Variants in LIFR observed in about 807,000 individuals in gnomAD.
The protein encoded by LIFR is leukemia inhibitory factor receptor.
In LIFR, 84 loss-of-function variants were observed where a neutral mutation model predicts 122.2. That is an observed-to-expected ratio of 0.69 (90% CI 0.58 to 0.82). LIFR has a LOEUF of 0.82. Ranked by LOEUF, LIFR falls within the 40% of genes least tolerant of loss-of-function variation. The pLI is 0.00. For synonymous variants in LIFR, 422 were observed against 434.7 expected, an observed-to-expected ratio of 0.97 and a Z score of 0.36; for missense variants, 1,294 against 1,311.6, an observed-to-expected ratio of 0.99 and a Z score of 0.21.
upstream of LIFR, among the ~76,000 whole-genome samples, chr5:38,560,900 TTTTG>T (rs1353641498): frequency 3.9e-5 from 6 of 152,188 alleles, no homozygotes; most frequent in East Asian, 1.9e-4. Flanking sequence ...CCAGCCTGTC[TTTTG>T]TTTATTTATA....
In LIFR at chr5:38,481,866, G is replaced by A; in HGVS notation, c.3023C>T (p.Pro1008Leu). 2 of 1,614,112 alleles carry A rather than the reference G, an allele frequency of 1.2e-6. No individual in the cohort carries two copies. Among genetic ancestry groups the A allele is most frequent in the Non-Finnish European group, 8.5e-7 (1 of 1,180,018 alleles). Residue 1008 changes from proline (P) to leucine (L), a missense_variant, in exon 20 of 20, where the codon CCC (proline) becomes CTC (leucine). Pro to Leu is a moderately conservative substitution (Grantham distance 98). Coordinates refer to ENST00000453190, the MANE Select transcript of LIFR (RefSeq NM_001127671.2). Reference sequence around the variant, plus strand: ...TATATCTTCCACAGTAGAATTAATGGGGAGGTGCATCTGTGGCTTATAGCC... The same window carrying A: ...TATATCTTCCACAGTAGAATTAATGAGGAGGTGCATCTGTGGCTTATAGCC... The part of the protein sequence containing the change: ...GAGYKPQMHL[P>L]INSTVEDIAA...
intron 12 of LIFR, among the ~76,000 whole-genome samples, chr5:38,497,457 C>T (rs1029696828): frequency 5.4e-4 from 82 of 152,370 alleles, no homozygotes; most frequent in African/African-American, 1.9e-3. Context: ...TTTATCTCCA[C>T]ATTTTTCAGG....
Position 38,480,544 on chromosome 5 carries a change from G to A in LIFR, c.*1051C>T, listed in dbSNP as rs189674684. On this transcript the variant is annotated 3_prime_UTR_variant, in exon 20 of 20. Transcript: ENST00000453190. ...AATGTGGCATGATGAAAAGACTCAT[G>A]AGTGGGAGGAACATCCACCAGAAGG... The A allele has an allele frequency of 3.7e-5, 8 of 218,134 alleles. No individual in the cohort carries two copies. Among genetic ancestry groups the A allele is most frequent in the Admixed American group, 1.2e-4 (2 of 17,228 alleles). The allele number at this position is 218,134 out of a possible 1,614,324, so 13.5% of individuals were successfully genotyped here.
chr5:38,544,987 T>C (rs1747795872), intron 1 of LIFR, among the ~76,000 whole-genome samples: 1 of 152,232 alleles, frequency 6.6e-6, no homozygotes, highest in Non-Finnish European at 1.5e-5. Flanking sequence ...ACTTAAATCA[T>C]GGCCAGGCAC....
At position 38,489,377 on chromosome 5, in the gene LIFR, A is replaced by G. The variant is rs1457666430; in HGVS notation, c.2168-132T>C. 1.6e-5 allele frequency: 13 copies of G among 788,974 alleles called. No homozygotes were observed. In the Admixed American group the frequency reaches 2.4e-4, roughly 15 times the overall value. 48.9% of individuals were successfully genotyped at this position (788,974 alleles called of 1,614,324 possible). A position where few individuals can be genotyped will look rare whatever the true frequency, so the allele number is the denominator to read the frequency against. On this transcript the variant is annotated intron_variant, in intron 15 of 19. Transcript: ENST00000453190. ...AAACTTTATTTAATCATAAACTTTC[A>G]GAGAGAGATGATCACAAACGCTTTT...
At chr5:38,583,971 A>G (rs2112746663) in intron 1 of LIFR, among the ~76,000 whole-genome samples, 1 of 151,370 alleles carries the variant, frequency 6.6e-6, no homozygotes, top group Admixed American at 6.6e-5. Context: ...GCCTTTCACC[A>G]TGTGAGGCCT....
At chr5:38,489,995 A>G (rs1249129455) in intron 15 of LIFR, among the ~76,000 whole-genome samples, 195 bp downstream of exon 15, 1 of 38,642 alleles carries the variant, frequency 2.6e-5, no homozygotes, top group Non-Finnish European at 4.6e-5. Flanking sequence ...ACCCTCTCTC[A>G]AAAAAAAAAA....
chr5:38,597,666 A>T (rs1036837994), upstream of LIFR, among the ~76,000 whole-genome samples: 11 of 152,206 alleles, frequency 7.2e-5, no homozygotes, highest in Admixed American at 1.3e-4. Flanking sequence ...TGCACAACTA[A>T]GAAATATCCA....
chr5:38,601,987 A>G (rs1750230874), intron 2 of LIFR, among the ~76,000 whole-genome samples: 1 of 152,110 alleles, frequency 6.6e-6, no homozygotes, highest in African/African-American at 2.4e-5. Context: ...TGACTCATCA[A>G]CCTTTCTCCG....
At chr5:38,575,878 C>T (rs1229456559) in intron 1 of LIFR, among the ~76,000 whole-genome samples, 4 of 152,054 alleles carry the variant, frequency 2.6e-5, no homozygotes, top group South Asian at 2.1e-4. Context: ...GGGCTCAAGT[C>T]GGTTTAGCTC....
intron 1 of LIFR, among the ~76,000 whole-genome samples, chr5:38,546,083 G>A (rs1009074083): frequency 1.3e-5 from 2 of 152,064 alleles, no homozygotes; most frequent in Non-Finnish European, 2.9e-5. Flanking sequence ...TATTGGAGAA[G>A]GGGAAAAATC....
At chr5:38,578,207 C>CTTTTTTTTTTTTTT (rs3079294) in intron 1 of LIFR, among the ~76,000 whole-genome samples, 11 of 123,438 alleles carry the variant, frequency 8.9e-5, no homozygotes, top group East Asian at 2.3e-4. Context: ...TTTTCTTTTT[C>CTTTTTTTTTTTTTT]TTTTTTTTTT....
At chr5:38,552,029 G>C in intron 1 of LIFR, among the ~76,000 whole-genome samples, 1 of 152,148 alleles carries the variant, frequency 6.6e-6, no homozygotes, top group South Asian at 2.1e-4. Flanking sequence ...TTACTGAAGA[G>C]CTTTTACTAT....
intron 1 of LIFR, among the ~76,000 whole-genome samples, chr5:38,536,394 T>G (rs1164517800): frequency 6.6e-6 from 1 of 152,166 alleles, no homozygotes; most frequent in Non-Finnish European, 1.5e-5. Context: ...TACATAGCAT[T>G]AACACTGTAT....
At position 38,478,564 on chromosome 5, in the gene LIFR, T is replaced by TA. The variant is rs1743830799; in HGVS notation, c.*3030dup. On this transcript the variant is annotated 3_prime_UTR_variant, in exon 20 of 20. Transcript: ENST00000453190. ...CAATATATGATTCACAAGGTTCATCTAATGTTAAAAGTCTAGCTAAGTCTT... is the reference window on the plus strand; with the variant it reads ...CAATATATGATTCACAAGGTTCATCTAAATGTTAAAAGTCTAGCTAAGTCTT... 1 of 191,514 alleles carries TA rather than the reference T, an allele frequency of 5.2e-6. No individual in the cohort carries two copies. Among genetic ancestry groups the TA allele is most frequent in the Admixed American group, 6.1e-5 (1 of 16,320 alleles). 11.9% of individuals were successfully genotyped at this position (191,514 alleles called of 1,614,324 possible). A position where few individuals can be genotyped will look rare whatever the true frequency, so the allele number is the denominator to read the frequency against.
intron 8 of LIFR, 36 bp downstream of exon 8, chr5:38,506,467 C>T (rs764533706): frequency 1.9e-6 from 3 of 1,613,238 alleles, no homozygotes; most frequent in Admixed American, 3.3e-5. Flanking sequence ...CCAACGTACT[C>T]CTTGCCATCT....
chr5:38,482,013 G>T lies in LIFR; in HGVS notation c.2876C>A (p.Pro959Gln), dbSNP rs769350778. Residue 959 changes from proline (P) to glutamine (Q), a missense_variant, in exon 20 of 20, where the codon CCA (proline) becomes CAA (glutamine). Coordinates refer to ENST00000453190, the MANE Select transcript of LIFR (RefSeq NM_001127671.2). The part of the protein sequence containing the change: ...YCPPIIEEEI[P>Q]NPAADEAGGT... ...TCCAGCTTCATCTGCGGCTGGGTTT[G>T]GTATTTCTTCCTCAATGATGGGTGG... 19 of 1,613,922 alleles carry T rather than the reference G, an allele frequency of 1.2e-5. No individual in the cohort carries two copies. The Admixed American group carries it at 3.2e-4, about 27-fold the overall frequency.
intron 1 of LIFR, among the ~76,000 whole-genome samples, chr5:38,591,523 G>C (rs138768459): frequency 3.9e-5 from 6 of 152,190 alleles, no homozygotes; most frequent in African/African-American, 1.4e-4. Flanking sequence ...CTGTTTTGTA[G>C]AATGTAGAAT....
chr5:38,538,094 T>C (rs541458706), intron 1 of LIFR, among the ~76,000 whole-genome samples: 3 of 152,316 alleles, frequency 2.0e-5, no homozygotes, highest in African/African-American at 7.2e-5. Flanking sequence ...CAGTGTACAG[T>C]TGAGTCAAGG....
Sources: gnomAD v4.1 joint callset for allele counts (sites outside exome capture counted in the v4.1 genomes callset) on GRCh38, gnomAD v4.1.1 for gene constraint, MANE v1.5 for transcripts, NCBI Gene and HGNC (gene_info 2026-07-23, HGNC 2026-07-21) for gene names.